The following GBP6 variants were observed in gnomAD, a reference collection of about 807,000 sequenced individuals.
GBP6 encodes guanylate-binding protein 6.
In GBP6, 54 loss-of-function variants were observed where a neutral mutation model predicts 61.5. The ratio of observed to expected loss-of-function variants is 0.88; its 90% CI spans 0.71 to 1.10. The LOEUF is 1.10. GBP6 is among the 50% of genes least tolerant of loss of function. The probability of loss-of-function intolerance (pLI) is 0.00; values close to 1 mark genes in which losing one functional copy is unlikely to be tolerated. For synonymous variants in GBP6, 255 were observed against 273.7 expected (o/e 0.93, Z 0.67); for missense variants, 748 against 752.8 (o/e 0.99, Z 0.07).
intron 5 of GBP6, among the ~76,000 whole-genome samples, chr1:89,378,880 T>C (rs563743128): frequency 6.6e-6 from 1 of 152,326 alleles, no homozygotes; most frequent in East Asian, 1.9e-4. Flanking sequence ...GTGCTAAGAC[T>C]TTCTAATAAC....
chr1:89,364,897 G>C (rs925483788), intron 1 of GBP6, among the ~76,000 whole-genome samples: 1 of 151,576 alleles, frequency 6.6e-6, no homozygotes, highest in African/African-American at 2.4e-5. Context: ...CGTCATCTAG[G>C]TTTTAAGCCC....
chr1:89,368,457 A>C, intron 1 of GBP6, 72 bp from the exon 2 acceptor site: 1 of 1,105,436 alleles, frequency 9.0e-7, no homozygotes, highest in Non-Finnish European at 1.3e-6. Context: ...AAGTCTCATT[A>C]GTCCTATGTT....
chr1:89,373,794 C>A (rs1382853018), intron 3 of GBP6, among the ~76,000 whole-genome samples: 1 of 151,676 alleles, frequency 6.6e-6, no homozygotes, highest in Non-Finnish European at 1.5e-5. Context: ...TGCACATGTA[C>A]CCTAGAACTT....
At chr1:89,372,644 A>C (rs1652677242) in intron 3 of GBP6, among the ~76,000 whole-genome samples, 1 of 152,138 alleles carries the variant, frequency 6.6e-6, no homozygotes, top group Admixed American at 6.5e-5. Context: ...CCTTCCTTAC[A>C]CCTTATACAA....
chr1:89,379,589 T>C (rs1436347677), intron 5 of GBP6, among the ~76,000 whole-genome samples: 1 of 152,250 alleles, frequency 6.6e-6, no homozygotes, highest in Non-Finnish European at 1.5e-5. Flanking sequence ...TTCTATGTTA[T>C]GATTTTTCTC....
chr1:89,370,308 G>T (rs1652592033), intron 3 of GBP6, among the ~76,000 whole-genome samples: 1 of 152,196 alleles, frequency 6.6e-6, no homozygotes, highest in Non-Finnish European at 1.5e-5. Context: ...AATCTCAGGA[G>T]ATGAGGAGAG....
rs1370205116 is a variant in GBP6, at chr1:89,386,382, C to G, written c.*913C>G. The G allele has an allele frequency of 6.6e-6, 1 of 152,010 alleles. No homozygotes were observed. The highest frequency in any genetic ancestry group is 1.9e-4 in the East Asian group (1 of 5,190). The allele number at this position is 152,010 out of a possible 1,614,324, so 9.4% of individuals were successfully genotyped here. Reference sequence around the variant, plus strand: ...AATTTTGTAAAGAAATCTTATTTTACCGATTCAGAAATAAATAAGAAAATG... The same window carrying G: ...AATTTTGTAAAGAAATCTTATTTTAGCGATTCAGAAATAAATAAGAAAATG... On this transcript the variant is annotated 3_prime_UTR_variant, in exon 11 of 11. Transcript: ENST00000370456.
At position 89,370,413 on chromosome 1, in the gene GBP6, C is replaced by A. The variant is rs542878680; in HGVS notation, c.318+740C>A. Among the ~76,000 whole-genome samples, 3 of 152,290 alleles carry A rather than the reference C, an allele frequency of 2.0e-5. No individual in the cohort carries two copies. The South Asian group carries it at 6.2e-4, about 32-fold the overall frequency. ...TTATATTTCTCATGATGAAGCTCAT[C>A]AATTACCCACAGAGCATTCTGGAAG... is the stretch of plus-strand genomic sequence containing the variant. On this transcript the variant is annotated intron_variant, in intron 3 of 10. Transcript: ENST00000370456.
In GBP6 at chr1:89,388,081, G is replaced by A. The variant is rs1382928402; in HGVS notation, c.*2612G>A. On this transcript the variant is annotated 3_prime_UTR_variant, in exon 11 of 11. Coordinates refer to ENST00000370456, the MANE Select transcript of GBP6 (RefSeq NM_198460.3). ...AATTTTTTTTTCTGTGCTTTATACAGTGACTCAGACAAACCTATGACCTCA... is the reference window on the plus strand; with the variant it reads ...AATTTTTTTTTCTGTGCTTTATACAATGACTCAGACAAACCTATGACCTCA... Among the ~76,000 whole-genome samples the A allele has an allele frequency of 6.6e-6, 1 of 152,120 alleles. No homozygotes were observed. The highest frequency in any genetic ancestry group is 2.4e-5 in the African/African-American group (1 of 41,408).
At chr1:89,378,709 T>A in intron 5 of GBP6, 96 bp downstream of exon 5, 1 of 961,818 alleles carries the variant, frequency 1.0e-6, no homozygotes, top group Non-Finnish European at 1.6e-6. Context: ...TATTTGAGAC[T>A]AGATTGAGGT....
At chr1:89,365,178 T>G (rs1652436826) in intron 1 of GBP6, among the ~76,000 whole-genome samples, 1 of 152,326 alleles carries the variant, frequency 6.6e-6, no homozygotes, top group South Asian at 2.1e-4. Flanking sequence ...GTGATTCTTA[T>G]GTACATCAGA....
chr1:89,387,671 G>A lies in GBP6; in HGVS notation c.*2202G>A, dbSNP rs1389343869. On this transcript the variant is annotated 3_prime_UTR_variant, in exon 11 of 11. Coordinates refer to ENST00000370456, the MANE Select transcript of GBP6 (RefSeq NM_198460.3). Reference sequence around the variant, plus strand: ...TATGAGGCCAGGTGCAGTGGCTCACGCCTATAATCTCAGCAACTTGGGAGG... The same window carrying A: ...TATGAGGCCAGGTGCAGTGGCTCACACCTATAATCTCAGCAACTTGGGAGG... 4.6e-5 allele frequency among the ~76,000 whole-genome samples: 7 copies of A among 152,190 alleles called. No homozygotes were observed. The highest frequency in any genetic ancestry group is 1.7e-4 in the African/African-American group (7 of 41,430).
Position 89,385,337 on chromosome 1 carries a change from T to C in GBP6, c.1770T>C (p.Thr590=), listed in dbSNP as rs1653106358. ...RMIDTTKNDD[T]PWIARTLDNL... is the part of the protein sequence containing the mutation. ...TTGATACTACAAAAAATGATGATAC[T>C]CCCTGGATTGCACGAACCTTGGACA... The change falls in exon 11 of 11, where the codon ACT becomes ACC. Residue 590 remains threonine, a synonymous_variant. Transcript: ENST00000370456. The C allele has an allele frequency of 2.5e-6, 4 of 1,614,080 alleles. No homozygotes were observed. Among genetic ancestry groups the C allele is most frequent in the Non-Finnish European group, 3.4e-6 (4 of 1,179,972 alleles).
In GBP6 at chr1:89,365,161, T is replaced by C. The variant is rs192775976; in HGVS notation, c.-24+1034T>C. Among the ~76,000 whole-genome samples the C allele has an allele frequency of 4.9e-3, 749 of 152,292 alleles. 6 individuals carry two copies. The highest frequency in any genetic ancestry group is 0.016 in the African/African-American group (670 of 41,556). ...ACAGCAAAAGAAACTATCATCAGAG[T>C]GATCAGGTGATTCTTATGTACATCA... On this transcript the variant is annotated intron_variant, in intron 1 of 10. Coordinates refer to ENST00000370456, the MANE Select transcript of GBP6 (RefSeq NM_198460.3).
intron 3 of GBP6, among the ~76,000 whole-genome samples, chr1:89,376,214 A>G (rs920853190): frequency 1.3e-5 from 2 of 152,186 alleles, no homozygotes; most frequent in East Asian, 3.8e-4. Context: ...ATGGAAACAG[A>G]TTGACTCCAT....
chr1:89,381,569 G>T (rs1357885019), intron 6 of GBP6, 125 bp from the exon 7 acceptor site: 2 of 816,628 alleles, frequency 2.4e-6, no homozygotes, highest in Non-Finnish European at 1.9e-6. Context: ...TAGGGATGTG[G>T]GTGTATGTGT....
intron 3 of GBP6, among the ~76,000 whole-genome samples, chr1:89,373,302 A>G (rs1465743298): frequency 6.6e-6 from 1 of 152,222 alleles, no homozygotes; most frequent in Non-Finnish European, 1.5e-5. Flanking sequence ...TGACCCAGCC[A>G]TCTCATTACT....
chr1:89,382,370 C>G (rs1421210075), intron 7 of GBP6, among the ~76,000 whole-genome samples: 1 of 152,156 alleles, frequency 6.6e-6, no homozygotes, highest in Non-Finnish European at 1.5e-5. Context: ...CCATTGAGGA[C>G]AGGAACACAG....
intron 5 of GBP6, among the ~76,000 whole-genome samples, chr1:89,379,193 C>A (rs10801727): frequency 0.33 from 49,621 of 151,912 alleles, 8,591 homozygotes; most frequent in South Asian, 0.47. Flanking sequence ...TGGTGTGTCA[C>A]ATGGTGAGAA....
Sources: allele counts gnomAD v4.1 joint callset (sites outside exome capture counted in the v4.1 genomes callset), GRCh38; gene constraint gnomAD v4.1.1; transcripts MANE v1.5; gene names NCBI Gene and HGNC (gene_info 2026-07-23, HGNC 2026-07-21).